The following NXPH1 variants were observed in gnomAD, a reference collection of about 807,000 sequenced individuals.
NXPH1 encodes the protein neurexophilin 1.
A neutral mutation model predicts 23.7 loss-of-function variants in NXPH1; 5 were observed. The ratio of observed to expected loss-of-function variants is 0.21; its 90% CI spans 0.11 to 0.44. NXPH1 has a LOEUF of 0.44. Among genes scored for constraint, NXPH1 ranks in the 20% least tolerant of loss-of-function variants. The probability of loss-of-function intolerance (pLI) is 0.99; values close to 1 mark genes in which losing one functional copy is unlikely to be tolerated. For synonymous variants in NXPH1, 144 were observed against 122.2 expected, an observed-to-expected ratio of 1.18 and a Z score of -1.18; for missense variants, 324 against 321.6, an observed-to-expected ratio of 1.01 and a Z score of -0.06.
chr7:8,556,324 CA>C (rs1818358539), intron 2 of NXPH1, among the ~76,000 whole-genome samples: 1 of 151,660 alleles, frequency 6.6e-6, no homozygotes, highest in Non-Finnish European at 1.5e-5. Flanking sequence ...AGTAATTGCT[CA>C]ACTCTGCTGT....
At chr7:8,537,122 C>A (rs1386370552) in intron 2 of NXPH1, among the ~76,000 whole-genome samples, 1 of 151,894 alleles carries the variant, frequency 6.6e-6, no homozygotes, top group African/African-American at 2.4e-5. Context: ...CTTTTGTATT[C>A]CCTCTTGTAC....
chr7:8,661,337 A>G (rs1241193433), intron 2 of NXPH1, among the ~76,000 whole-genome samples: 1 of 152,156 alleles, frequency 6.6e-6, no homozygotes, highest in Non-Finnish European at 1.5e-5. Flanking sequence ...TCCTGTGCCT[A>G]CTGATTCTTA....
intron 2 of NXPH1, among the ~76,000 whole-genome samples, chr7:8,459,020 A>G (rs926415132): frequency 3.3e-5 from 5 of 152,092 alleles, no homozygotes; most frequent in African/African-American, 1.2e-4. Flanking sequence ...ATAAAACTGT[A>G]ATTACATAAA....
chr7:8,699,874 T>G (rs188283989), intron 2 of NXPH1, among the ~76,000 whole-genome samples: 15 of 152,148 alleles, frequency 9.9e-5, no homozygotes, highest in Non-Finnish European at 1.9e-4. Flanking sequence ...CTTTGTCTTA[T>G]GGATAGAAAG....
chr7:8,715,294 C>A (rs1300828204), intron 2 of NXPH1, among the ~76,000 whole-genome samples: 2 of 152,088 alleles, frequency 1.3e-5, no homozygotes, highest in Non-Finnish European at 2.9e-5. Context: ...ACATGGCGAA[C>A]TGCTGTGAGG....
chr7:8,731,921 C>T (rs6954821), intron 2 of NXPH1, among the ~76,000 whole-genome samples: 340 of 152,326 alleles, frequency 2.2e-3, no homozygotes, highest in East Asian at 8.7e-3. Flanking sequence ...TGGGCAATGG[C>T]GGGCGCCCCT....
rs187310799 is a variant in NXPH1 at position 8,717,477 on chromosome 7, C to A, written c.55-33531C>A. ...GAGATAATGTGTGGATTAAAAAAAA[C>A]CCCTTAGATGTATCTAAGATTCCTG... is the stretch of plus-strand genomic sequence containing the variant. On this transcript the variant is annotated intron_variant, in intron 2 of 2. Coordinates refer to ENST00000405863, the MANE Select transcript of NXPH1 (RefSeq NM_152745.3). Among the ~76,000 whole-genome samples the A allele has an allele frequency of 5.2e-4, 79 of 152,160 alleles. 1 individual carries two copies. The highest frequency in any genetic ancestry group is 1.8e-3 in the African/African-American group (75 of 41,506).
At chr7:8,614,880 C>A (rs932965684) in intron 2 of NXPH1, among the ~76,000 whole-genome samples, 3 of 151,924 alleles carry the variant, frequency 2.0e-5, no homozygotes, top group African/African-American at 4.8e-5. Flanking sequence ...AAGAATTATT[C>A]TATGCCTCAA....
chr7:8,502,761 A>G (rs1371927570), intron 2 of NXPH1, among the ~76,000 whole-genome samples: 1 of 151,430 alleles, frequency 6.6e-6, no homozygotes, highest in Admixed American at 6.6e-5. Flanking sequence ...ACTAGATGGT[A>G]GAGGAGACAT....
chr7:8,497,126 C>T (rs184546076), intron 2 of NXPH1, among the ~76,000 whole-genome samples: 5 of 152,196 alleles, frequency 3.3e-5, no homozygotes, highest in African/African-American at 1.2e-4. Flanking sequence ...GTTTTCTGTC[C>T]TTGCGATAGT....
chr7:8,440,369 T>G (rs1048844038), intron 2 of NXPH1, among the ~76,000 whole-genome samples: 4 of 152,208 alleles, frequency 2.6e-5, no homozygotes, highest in Admixed American at 2.6e-4. Flanking sequence ...GAAGCTGACT[T>G]TAGTATTCGG....
intron 2 of NXPH1, among the ~76,000 whole-genome samples, chr7:8,642,800 C>T (rs1348024469): frequency 6.6e-6 from 1 of 152,074 alleles, no homozygotes; most frequent in Non-Finnish European, 1.5e-5. Flanking sequence ...CTTTCACTGA[C>T]TTTAATGGGA....
chr7:8,498,466 C>T (rs1817376184), intron 2 of NXPH1, among the ~76,000 whole-genome samples: 1 of 152,042 alleles, frequency 6.6e-6, no homozygotes, highest in Non-Finnish European at 1.5e-5. Flanking sequence ...GAAAAGGTTT[C>T]TGCCAGTTCC....
intron 2 of NXPH1, among the ~76,000 whole-genome samples, chr7:8,733,570 A>G (rs900538020): frequency 3.9e-5 from 6 of 152,150 alleles, no homozygotes; most frequent in Admixed American, 6.5e-5. Context: ...AATGATCACC[A>G]TTCTAACTGG....
intron 2 of NXPH1, among the ~76,000 whole-genome samples, chr7:8,509,618 G>A (rs1377539095): frequency 1.3e-5 from 2 of 152,058 alleles, no homozygotes; most frequent in African/African-American, 2.4e-5. Context: ...GAGCTTGCAA[G>A]GATCTACAGT....
At chr7:8,560,932 G>C (rs926164153) in intron 2 of NXPH1, among the ~76,000 whole-genome samples, 4 of 151,518 alleles carry the variant, frequency 2.6e-5, no homozygotes, top group Admixed American at 6.6e-5. Flanking sequence ...CAGCATTTTG[G>C]CTGAGCTTCA....
chr7:8,511,779 C>T (rs921216615), intron 2 of NXPH1, among the ~76,000 whole-genome samples: 1 of 152,170 alleles, frequency 6.6e-6, no homozygotes, highest in Non-Finnish European at 1.5e-5. Flanking sequence ...CTCTCACACA[C>T]AGCAAGTTTG....
In NXPH1 at chr7:8,751,349, G is replaced by T; in HGVS notation, c.396G>T (p.Lys132Asn). 6.2e-7 allele frequency: 1 copy of T among 1,613,906 alleles called. No individual in the cohort carries two copies. Among genetic ancestry groups the T allele is most frequent in the Non-Finnish European group, 8.5e-7 (1 of 1,179,846 alleles). ...TTCATTCCAACATCAAAACAGTGAA[G>T]CTGAACCTGTTGATAACTGGGAAAA... ...GDFHSNIKTV[K>N]LNLLITGKIV... The change falls in exon 3 of 3, where the codon AAG (lysine) becomes AAT (asparagine). Residue 132 changes from lysine to asparagine, a missense_variant. Transcript: ENST00000405863. The surrounding 1 kb of genome is among the most constrained non-coding windows in gnomAD (Gnocchi z 4.5).
rs117999692 is a variant in NXPH1 at position 8,482,386 on chromosome 7, C to G, written c.54+46619C>G. On this transcript the variant is annotated intron_variant, in intron 2 of 2. Coordinates refer to ENST00000405863, the MANE Select transcript of NXPH1 (RefSeq NM_152745.3). Reference sequence around the variant, plus strand: ...TAGCCAGGCCCACTTCTGTTTTTAGCAGGAAGCTCTTGAGGCCAGGGAAAT... The same window carrying G: ...TAGCCAGGCCCACTTCTGTTTTTAGGAGGAAGCTCTTGAGGCCAGGGAAAT... Among the ~76,000 whole-genome samples the G allele has an allele frequency of 1.1e-3, 170 of 152,258 alleles. 4 individuals are homozygous for G. The East Asian group carries it at 0.032, about 28-fold the overall frequency.
Sources: gnomAD v4.1 joint callset for allele counts (sites outside exome capture counted in the v4.1 genomes callset) on GRCh38, gnomAD v4.1.1 for gene constraint, Gnocchi (gnomAD v3.1) non-coding constraint, MANE v1.5 for transcripts, NCBI Gene and HGNC (gene_info 2026-07-23, HGNC 2026-07-21) for gene names.